Variants in OXR1 observed in about 807,000 individuals in gnomAD.
The protein encoded by OXR1 is oxidation resistance protein 1.
A neutral mutation model predicts 104.6 loss-of-function variants in OXR1; 41 were observed. The observed-to-expected ratio is 0.39, with a 90% CI of 0.31 to 0.51. The LOEUF (loss-of-function observed/expected upper bound fraction) is 0.51, where lower values mean the gene tolerates loss of function less well. Among genes scored for constraint, OXR1 ranks in the 20% least tolerant of loss-of-function variants. The pLI, the probability that OXR1 is intolerant of heterozygous loss-of-function variation, is 0.77. For synonymous variants in OXR1, 348 were observed against 348.4 expected (o/e 1.00, Z 0.01); for missense variants, 955 against 1,031.9 (o/e 0.93, Z 1.02).
intron 3 of OXR1, among the ~76,000 whole-genome samples, chr8:106,578,713 T>C (rs1291145461): frequency 6.6e-6 from 1 of 152,228 alleles, no homozygotes; most frequent in African/African-American, 2.4e-5. Context: ...ATACAATTAT[T>C]AATTTGTAAA....
intron 3 of OXR1, among the ~76,000 whole-genome samples, chr8:106,666,163 A>G (rs924802766): frequency 5.3e-5 from 8 of 152,374 alleles, no homozygotes; most frequent in Admixed American, 3.9e-4. Flanking sequence ...ATATGCAGTT[A>G]TCTAACAGTC....
rs544539345 is a variant in OXR1, at chr8:106,327,575, CT to C, written c.-138-31899del. 1.4e-3 allele frequency among the ~76,000 whole-genome samples: 206 copies of C among 152,320 alleles called. 1 individual carries two copies. Among genetic ancestry groups the C allele is most frequent in the Non-Finnish European group, 2.3e-3 (157 of 68,028 alleles). ...TTGATCTTCCTCAATTGTAATGCGT[CT>C]TGCTAAATGCAGCTCACCACATTGT... On this transcript the variant is annotated intron_variant, in intron 1 of 16. Transcript: ENST00000517566.
intron 2 of OXR1, among the ~76,000 whole-genome samples, chr8:106,433,037 A>G (rs1789976): frequency 0.52 from 79,092 of 151,964 alleles, 23,836 homozygotes; most frequent in African/African-American, 0.83. Flanking sequence ...TGAAGACACG[A>G]GAATTGCAAT....
chr8:106,505,147 G>A (rs1812073887), intron 2 of OXR1, among the ~76,000 whole-genome samples: 2 of 152,214 alleles, frequency 1.3e-5, no homozygotes, highest in South Asian at 4.1e-4. Flanking sequence ...TTTCTAACCA[G>A]AGAAATATGA....
chr8:106,590,310 C>A (rs1342627367), intron 3 of OXR1, among the ~76,000 whole-genome samples: 8 of 151,758 alleles, frequency 5.3e-5, no homozygotes, highest in African/African-American at 1.9e-4. Context: ...TTGTTTGAGA[C>A]GGAGTCTCGC....
intron 7 of OXR1, chr8:106,697,883 G>A (rs1830215253): frequency 1.1e-5 from 17 of 1,612,130 alleles, no homozygotes; most frequent in South Asian, 5.5e-5. Flanking sequence ...GGCTGGGACC[G>A]GCCCACATCC....
At chr8:106,487,512 C>T (rs541174455) in intron 2 of OXR1, among the ~76,000 whole-genome samples, 173 of 151,538 alleles carry the variant, frequency 1.1e-3, no homozygotes, top group Non-Finnish European at 1.9e-3. Context: ...CATGCTGGTG[C>T]GCTGCACCCA....
chr8:106,570,636 G>T (rs1285370779), intron 3 of OXR1, among the ~76,000 whole-genome samples: 1 of 152,072 alleles, frequency 6.6e-6, no homozygotes, highest in African/African-American at 2.4e-5. Flanking sequence ...CTGTGAGAAG[G>T]ACCCTTTTTC....
At chr8:106,362,500 A>G (rs770424145) in intron 2 of OXR1, among the ~76,000 whole-genome samples, 13 of 152,170 alleles carry the variant, frequency 8.5e-5, no homozygotes, top group Non-Finnish European at 1.5e-4. Context: ...TATGTGTATG[A>G]TACTTGAAAA....
intron 2 of OXR1, among the ~76,000 whole-genome samples, chr8:106,445,520 C>T (rs996425423): frequency 8.5e-5 from 13 of 152,174 alleles, no homozygotes; most frequent in African/African-American, 2.2e-4. Context: ...TGCTAAAAGA[C>T]GACTAGCCTC....
chr8:106,424,639 C>T (rs936539905), intron 2 of OXR1, among the ~76,000 whole-genome samples: 1 of 152,082 alleles, frequency 6.6e-6, no homozygotes, highest in African/African-American at 2.4e-5. Flanking sequence ...AGTGTGAATT[C>T]ATAATAGTAG....
intron 1 of OXR1, among the ~76,000 whole-genome samples, chr8:106,357,552 G>A (rs371493766): frequency 3.9e-5 from 6 of 151,974 alleles, no homozygotes; most frequent in African/African-American, 1.2e-4. Context: ...ACTCATATGC[G>A]CTTGTATGCA....
intron 3 of OXR1, among the ~76,000 whole-genome samples, chr8:106,653,723 T>C (rs917926537): frequency 1.3e-5 from 2 of 151,964 alleles, no homozygotes; most frequent in African/African-American, 4.8e-5. Flanking sequence ...TATTTAATAT[T>C]GTACTGAAAG....
At chr8:106,606,287 T>C (rs1009743656) in intron 3 of OXR1, among the ~76,000 whole-genome samples, 1 of 138,440 alleles carries the variant, frequency 7.2e-6, no homozygotes, top group Non-Finnish European at 1.5e-5. Context: ...ACTATGATAC[T>C]CTTTATTTAT....
chr8:106,561,512 C>T (rs1392127477), intron 3 of OXR1, among the ~76,000 whole-genome samples: 1 of 152,210 alleles, frequency 6.6e-6, no homozygotes, highest in African/African-American at 2.4e-5. Flanking sequence ...CTCCCTGGGA[C>T]AGAGCACCTG....
intron 1 of OXR1, among the ~76,000 whole-genome samples, chr8:106,279,013 A>G (rs1812174059): frequency 6.6e-6 from 1 of 152,158 alleles, no homozygotes; most frequent in South Asian, 2.1e-4. Context: ...ATTAAAAACC[A>G]CAGAAATGAA....
intron 2 of OXR1, among the ~76,000 whole-genome samples, chr8:106,445,794 A>G (rs1251115326): frequency 1.3e-5 from 2 of 152,198 alleles, no homozygotes; most frequent in East Asian, 3.9e-4. Context: ...ATGGCAAATC[A>G]TATCTTCCTA....
Position 106,519,059 on chromosome 8 carries a change from T to C in OXR1, c.140T>C (p.Ile47Thr), listed in dbSNP as rs981752752. 90 of 1,551,990 alleles carry C rather than the reference T, an allele frequency of 5.8e-5. 1 individual carries two copies. The Middle Eastern group carries it at 1.7e-3, about 29-fold the overall frequency. ...SKPPAPKTPI[I>T]EEEQNNAANT... Reference sequence around the variant, plus strand: ...CCCCCGGCACCCAAGACCCCCATCATTGAAGAAGAGCAGAACAATGCAGCA... The same window carrying C: ...CCCCCGGCACCCAAGACCCCCATCACTGAAGAAGAGCAGAACAATGCAGCA... Residue 47 changes from isoleucine to threonine, a missense_variant, in exon 3 of 17, where the codon ATT (isoleucine) becomes ACT (threonine). Ile to Thr is a moderately conservative substitution (Grantham distance 89). Coordinates refer to ENST00000517566, the MANE Select transcript of OXR1 (RefSeq NM_001198533.2).
At chr8:106,659,483 G>T (rs138907236) in intron 3 of OXR1, among the ~76,000 whole-genome samples, 1 of 152,190 alleles carries the variant, frequency 6.6e-6, no homozygotes. Context: ...TCTGAAGGAC[G>T]TTAACCAAAT....
Sources: gnomAD v4.1 joint callset for allele counts (sites outside exome capture counted in the v4.1 genomes callset) on GRCh38, gnomAD v4.1.1 for gene constraint, MANE v1.5 for transcripts, NCBI Gene and HGNC (gene_info 2026-07-23, HGNC 2026-07-21) for gene names.